CCDC178: variants seen among roughly 807,000 people sequenced by gnomAD.
CCDC178 encodes coiled-coil domain containing 178, also known as coiled-coil domain-containing protein 178.
A neutral mutation model predicts 117.4 loss-of-function variants in CCDC178; 126 were observed. The ratio of observed to expected loss-of-function variants is 1.07; its 90% confidence interval spans 0.93 to 1.24. CCDC178 has a LOEUF of 1.24. CCDC178 is among the 50% of genes most tolerant of loss of function. The pLI is 0.00. For missense variants in CCDC178, 1,030 were observed against 986.9 expected, an observed-to-expected ratio of 1.04 and a Z score of -0.59; for synonymous variants, 283 against 313.4, an observed-to-expected ratio of 0.90 and a Z score of 1.02.
At chr18:32,969,564 TCCTTCCAAAG>T (rs1017623068) in intron 22 of CCDC178, among the ~76,000 whole-genome samples, 29 of 152,192 alleles carry the variant, frequency 1.9e-4, no homozygotes, top group Non-Finnish European at 3.8e-4. Flanking sequence ...CAGATATTTG[TCCTTCCAAAG>T]CCTTTGTCTT....
At chr18:33,348,459 T>C (rs996815212) in intron 8 of CCDC178, among the ~76,000 whole-genome samples, 3 of 151,914 alleles carry the variant, frequency 2.0e-5, no homozygotes, top group Non-Finnish European at 4.4e-5. Flanking sequence ...CATGCAACCA[T>C]TTACATTTAT....
intron 21 of CCDC178, among the ~76,000 whole-genome samples, chr18:32,980,289 A>G (rs535969238): frequency 3.2e-4 from 48 of 152,302 alleles, no homozygotes; most frequent in African/African-American, 1.1e-3. Context: ...TTTCTTTAAC[A>G]TATAAAAAGC....
chr18:33,014,047 C>G (rs1460128747), intron 21 of CCDC178, among the ~76,000 whole-genome samples: 1 of 152,194 alleles, frequency 6.6e-6, no homozygotes, highest in Non-Finnish European at 1.5e-5. Context: ...AGGAAAACAG[C>G]TGAATTTCTG....
At chr18:32,987,513 A>G (rs1005524961) in intron 21 of CCDC178, among the ~76,000 whole-genome samples, 1 of 151,984 alleles carries the variant, frequency 6.6e-6, no homozygotes, top group African/African-American at 2.4e-5. Context: ...TAGCATATAT[A>G]TGTATATATG....
chr18:32,939,099 T>C (rs1419321470), intron 22 of CCDC178, among the ~76,000 whole-genome samples: 2 of 152,122 alleles, frequency 1.3e-5, no homozygotes, highest in African/African-American at 4.8e-5. Context: ...GGTCCAGCTC[T>C]GGATGTCTGG....
chr18:32,979,710 T>G (rs2144710051), intron 21 of CCDC178, among the ~76,000 whole-genome samples: 1 of 152,270 alleles, frequency 6.6e-6, no homozygotes, highest in South Asian at 2.1e-4. Flanking sequence ...TCAGGTTTCA[T>G]GAAAGTTGAT....
chr18:33,332,535 T>TA (rs971717996), intron 10 of CCDC178, among the ~76,000 whole-genome samples: 30 of 151,566 alleles, frequency 2.0e-4, no homozygotes, highest in African/African-American at 2.9e-4. Context: ...GATTATGGCT[T>TA]AAAAAAAAAC....
intron 21 of CCDC178, among the ~76,000 whole-genome samples, chr18:33,015,619 T>TG (rs1325947694): frequency 1.3e-5 from 2 of 150,670 alleles, no homozygotes; most frequent in African/African-American, 4.9e-5. Flanking sequence ...CATGGCTAAT[T>TG]GGGGAAAATA....
At chr18:33,036,655 C>T (rs890900907) in intron 21 of CCDC178, among the ~76,000 whole-genome samples, 14 of 151,822 alleles carry the variant, frequency 9.2e-5, no homozygotes, top group African/African-American at 2.7e-4. Flanking sequence ...GCACACAACT[C>T]GGTAATGCGA....
intron 21 of CCDC178, among the ~76,000 whole-genome samples, chr18:33,002,484 C>A (rs562218103): frequency 8.2e-4 from 124 of 151,566 alleles, no homozygotes; most frequent in Non-Finnish European, 1.8e-3. Context: ...TTTTTTAAAA[C>A]AAATAATAAA....
rs1361534845 is a variant in CCDC178, at chr18:33,344,823, AC to A, written c.658+1387del. ...CTAAAGCACACACACACACACACAC[AC>A]ACACACACACACACACACACACACA... On this transcript the variant is annotated intron_variant, in intron 9 of 22. Coordinates refer to ENST00000383096, the MANE Select transcript of CCDC178 (RefSeq NM_001105528.4). Among the ~76,000 whole-genome samples the A allele has an allele frequency of 2.7e-5, 4 of 148,700 alleles. No homozygotes were observed. In the East Asian group the frequency reaches 5.9e-4, roughly 22 times the overall value.
chr18:32,938,353 T>C (rs904490219), intron 22 of CCDC178: 5 of 347,874 alleles, frequency 1.4e-5, no homozygotes, highest in Non-Finnish European at 2.6e-5. Flanking sequence ...TCTACTGCTT[T>C]AGAGATTCTT....
At chr18:33,346,718 A>G (rs1002707293) in intron 8 of CCDC178, among the ~76,000 whole-genome samples, 7 of 152,112 alleles carry the variant, frequency 4.6e-5, no homozygotes, top group African/African-American at 1.4e-4. Context: ...AAGCTGTACT[A>G]TAGAGGTTTA....
intron 21 of CCDC178, among the ~76,000 whole-genome samples, chr18:33,075,618 A>G (rs767887333): frequency 6.6e-6 from 1 of 152,208 alleles, no homozygotes; most frequent in African/African-American, 2.4e-5. Context: ...TTCCCATCAG[A>G]TAAGAAATAA....
chr18:33,143,133 TTTC>T (rs1380538361), intron 20 of CCDC178, among the ~76,000 whole-genome samples: 1 of 152,146 alleles, frequency 6.6e-6, no homozygotes, highest in African/African-American at 2.4e-5. Context: ...AGAAAACCCT[TTTC>T]CTCATTAAGA....
At chr18:33,418,973 T>G (rs1457430730) in intron 2 of CCDC178, among the ~76,000 whole-genome samples, 1 of 152,098 alleles carries the variant, frequency 6.6e-6, no homozygotes, top group Non-Finnish European at 1.5e-5. Context: ...TTCACAGAAT[T>G]AGAAAACAAC....
intron 13 of CCDC178, 22 bp from the exon 14 acceptor site, chr18:33,267,074 A>G: frequency 1.3e-6 from 2 of 1,570,010 alleles, no homozygotes; most frequent in East Asian, 2.2e-5. Flanking sequence ...GAATAAAAGA[A>G]TCATTCATAC....
At chr18:33,247,421 G>A (rs2059564214) in intron 14 of CCDC178, among the ~76,000 whole-genome samples, 1 of 151,660 alleles carries the variant, frequency 6.6e-6, no homozygotes, top group Admixed American at 6.6e-5. Flanking sequence ...CAAATTTTAA[G>A]GAATAATGAA....
At chr18:33,154,088 G>C (rs2144352802) in intron 20 of CCDC178, among the ~76,000 whole-genome samples, 1 of 152,186 alleles carries the variant, frequency 6.6e-6, no homozygotes, top group East Asian at 1.9e-4. Context: ...TTCAGTTTCT[G>C]GTAATGACAT....
Sources: allele counts gnomAD v4.1 joint callset (sites outside exome capture counted in the v4.1 genomes callset), GRCh38; gene constraint gnomAD v4.1.1; transcripts MANE v1.5; gene names NCBI Gene and HGNC (gene_info 2026-07-23, HGNC 2026-07-21).